Variants in ZNF407 observed in about 807,000 individuals in gnomAD.
The protein encoded by ZNF407 is zinc finger protein 407.
In ZNF407, 17 loss-of-function variants were observed where a neutral mutation model predicts 131.2. The ratio of observed to expected loss-of-function variants is 0.13; its 90% CI spans 0.09 to 0.19. The LOEUF is 0.19. Ranked by LOEUF, ZNF407 falls within the 10% of genes least tolerant of loss-of-function variation. ZNF407 has a pLI of 1.00. For missense variants in ZNF407, 2,681 were observed against 2,830.6 expected (o/e 0.95, Z 1.20); for synonymous variants, 1,156 against 1,062.0 (o/e 1.09, Z -1.72).
Position 74,633,174 on chromosome 18 carries a change from G to C in ZNF407, c.2155G>C (p.Val719Leu). The C allele has an allele frequency of 6.2e-7, 1 of 1,613,520 alleles. No individual in the cohort carries two copies. The highest frequency in any genetic ancestry group is 8.5e-7 in the Non-Finnish European group (1 of 1,179,728). ...TTTTTATAAAACAAGATCTTCTACTGTTCTCACGAGACATATAAAGCTTCG... is the reference window on the plus strand; with the variant it reads ...TTTTTATAAAACAAGATCTTCTACTCTTCTCACGAGACATATAAAGCTTCG... Reference protein sequence around the residue: ...KCFYKTRSSTVLTRHIKLRHG... With the variant: ...KCFYKTRSSTLLTRHIKLRHG... The change falls in exon 2 of 9, where the codon GTT becomes CTT. Residue 719 changes from valine to leucine, a missense_variant. Physicochemically the swap from Val to Leu is conservative, Grantham distance 32. Around this residue, in one of 6 missense-constraint regions of ZNF407, gnomAD observed 1,789 missense variants for 1,748.7 expected, o/e 1.02. Transcript: ENST00000299687.
intron 8 of ZNF407, among the ~76,000 whole-genome samples, chr18:75,056,541 TTC>T (rs1446665519): frequency 7.9e-5 from 12 of 152,200 alleles, no homozygotes; most frequent in African/African-American, 2.7e-4. Context: ...CTTGAGGAAG[TTC>T]ACATTGTTTA....
At chr18:74,792,555 GATA>G (rs1195768668) in intron 4 of ZNF407, among the ~76,000 whole-genome samples, 13 of 150,624 alleles carry the variant, frequency 8.6e-5, no homozygotes, top group Non-Finnish European at 1.8e-4. Flanking sequence ...TTGTTATTAT[GATA>G]ATAAAATATC....
At chr18:74,937,229 G>A (rs1232528206) in intron 8 of ZNF407, among the ~76,000 whole-genome samples, 1 of 152,164 alleles carries the variant, frequency 6.6e-6, no homozygotes, top group Non-Finnish European at 1.5e-5. Flanking sequence ...TTTTATTCTA[G>A]ATAATTGACC....
At chr18:74,627,862 C>T (rs1983869521) in intron 1 of ZNF407, among the ~76,000 whole-genome samples, 2 of 146,782 alleles carry the variant, frequency 1.4e-5, no homozygotes, top group South Asian at 2.3e-4. Flanking sequence ...CCCCGCCCCG[C>T]CCCTTTTCTC....
chr18:74,651,956 A>G (rs1985246022), intron 3 of ZNF407, among the ~76,000 whole-genome samples: 1 of 152,134 alleles, frequency 6.6e-6, no homozygotes, highest in South Asian at 2.1e-4. Flanking sequence ...CTGTGTCTAT[A>G]CTGAGTACAG....
chr18:74,949,420 T>C (rs1972189147), intron 8 of ZNF407, among the ~76,000 whole-genome samples: 1 of 152,218 alleles, frequency 6.6e-6, no homozygotes, highest in Admixed American at 6.5e-5. Context: ...TCATACACGA[T>C]AATTCTGTAA....
intron 3 of ZNF407, among the ~76,000 whole-genome samples, chr18:74,675,399 T>C (rs543954121): frequency 6.6e-6 from 1 of 152,382 alleles, no homozygotes; most frequent in South Asian, 2.1e-4. Flanking sequence ...CTTTAGCCTC[T>C]TAAGCAGTAT....
intron 3 of ZNF407, among the ~76,000 whole-genome samples, chr18:74,750,110 CT>C (rs1968765277): frequency 6.6e-6 from 1 of 152,166 alleles, no homozygotes. Context: ...TTTTCTCACA[CT>C]TTTCTTCTCT....
At chr18:74,734,952 T>C (rs1968380402) in intron 3 of ZNF407, among the ~76,000 whole-genome samples, 1 of 152,186 alleles carries the variant, frequency 6.6e-6, no homozygotes. Context: ...TACCTCTTAG[T>C]TGCCAAATAT....
At chr18:74,762,485 A>G (rs1969117725) in intron 3 of ZNF407, among the ~76,000 whole-genome samples, 1 of 152,160 alleles carries the variant, frequency 6.6e-6, no homozygotes, top group Non-Finnish European at 1.5e-5. Flanking sequence ...ATTTAGACAT[A>G]TGTGTATGTA....
At chr18:74,773,649 A>G (rs549302378) in intron 3 of ZNF407, among the ~76,000 whole-genome samples, 2 of 152,258 alleles carry the variant, frequency 1.3e-5, no homozygotes, top group Non-Finnish European at 2.9e-5. Context: ...ATTCATTTAC[A>G]GTAATGTATT....
At chr18:74,874,515 G>C (rs1971129399) in intron 4 of ZNF407, among the ~76,000 whole-genome samples, 1 of 152,058 alleles carries the variant, frequency 6.6e-6, no homozygotes, top group African/African-American at 2.4e-5. Flanking sequence ...AGGCGAGGAA[G>C]AGTCACAGCC....
chr18:74,972,020 C>CAG (rs1394178969), intron 8 of ZNF407, among the ~76,000 whole-genome samples: 1 of 152,168 alleles, frequency 6.6e-6, no homozygotes, highest in Non-Finnish European at 1.5e-5. Flanking sequence ...ATAAACCCAT[C>CAG]AGATCTTGTG....
chr18:74,960,008 C>T (rs1972320650), intron 8 of ZNF407, among the ~76,000 whole-genome samples: 1 of 152,218 alleles, frequency 6.6e-6, no homozygotes, highest in African/African-American at 2.4e-5. Flanking sequence ...ACTAATATCA[C>T]AAGTGCTTTC....
intron 8 of ZNF407, among the ~76,000 whole-genome samples, chr18:74,928,842 A>T (rs1016529415): frequency 5.9e-5 from 9 of 152,016 alleles, no homozygotes; most frequent in African/African-American, 2.2e-4. Flanking sequence ...CGAGAAGGGG[A>T]CCATTCAGTC....
intron 3 of ZNF407, among the ~76,000 whole-genome samples, chr18:74,702,721 C>T (rs1170846516): frequency 6.6e-6 from 1 of 152,066 alleles, no homozygotes; most frequent in Admixed American, 6.5e-5. Flanking sequence ...ATACATATTT[C>T]CCTATAAACA....
intron 4 of ZNF407, among the ~76,000 whole-genome samples, chr18:74,819,920 T>A (rs1336653489): frequency 6.6e-6 from 1 of 152,184 alleles, no homozygotes; most frequent in Non-Finnish European, 1.5e-5. Context: ...TTGTGCTGCC[T>A]CTAGTGGCCG....
chr18:74,769,810 C>T (rs748708295), intron 3 of ZNF407, among the ~76,000 whole-genome samples: 1 of 152,184 alleles, frequency 6.6e-6, no homozygotes, highest in Non-Finnish European at 1.5e-5. Flanking sequence ...ATAATATACA[C>T]TTTCATCACT....
At chr18:74,744,532 G>A (rs372970154) in intron 3 of ZNF407, among the ~76,000 whole-genome samples, 4 of 152,058 alleles carry the variant, frequency 2.6e-5, no homozygotes, top group African/African-American at 9.7e-5. Context: ...TTTAAATAAA[G>A]GAAACACATT....
Sources: gnomAD v4.1 joint callset for allele counts (sites outside exome capture counted in the v4.1 genomes callset) on GRCh38, gnomAD v4.1.1 for gene constraint, gnomAD v4.1.1 regional missense constraint, MANE v1.5 for transcripts, NCBI Gene and HGNC (gene_info 2026-07-23, HGNC 2026-07-21) for gene names.